Variants in PPDPFL observed in about 807,000 individuals in gnomAD.
The protein encoded by PPDPFL is pancreatic progenitor cell differentiation and proliferation factor like.
Under a neutral mutation model 12.6 loss-of-function variants are expected in PPDPFL, and 12 were observed. The ratio of observed to expected loss-of-function variants is 0.95; its 90% confidence interval spans 0.61 to 1.54. PPDPFL has a LOEUF of 1.54. Among genes scored for constraint, PPDPFL ranks in the 40% most tolerant of loss-of-function variants. PPDPFL has a pLI of 0.00. For missense variants in PPDPFL, 114 were observed against 96.0 expected, an observed-to-expected ratio of 1.19 and a Z score of -0.78; for synonymous variants, 24 against 32.7, an observed-to-expected ratio of 0.73 and a Z score of 0.91.
chr8:49,069,183 C>T (rs1808343292), upstream of PPDPFL, among the ~76,000 whole-genome samples: 1 of 152,006 alleles, frequency 6.6e-6, no homozygotes, highest in Admixed American at 6.6e-5. Flanking sequence ...GTGCCCCATC[C>T]CAAAACTTCA....
In PPDPFL at chr8:49,056,043, T is replaced by A. The variant is rs552125236; in HGVS notation, c.-45+1674T>A. On this transcript the variant is annotated intron_variant, in intron 1 of 4. Coordinates refer to the PPDPFL transcript ENST00000517663. ...TTATTCCACAGAACAGCTAGAAACA[T>A]CTTTTAACCATGAAAACCAGATTGT... is the stretch of plus-strand genomic sequence containing the variant. Among the ~76,000 whole-genome samples the A allele has an allele frequency of 6.6e-5, 10 of 152,268 alleles. No individual in the cohort carries two copies. In the South Asian group the frequency reaches 2.1e-3, roughly 32 times the overall value.
At position 49,064,528 on chromosome 8, in the gene PPDPFL, A is replaced by T. The variant is rs537186755; in HGVS notation, c.-44-8259A>T. ...TGGATTCAAGCAATGCAAAGGCAGG[A>T]TGTGGGGCCTGGCAGTGCCGCCCAG... On this transcript the variant is annotated intron_variant, in intron 1 of 4. Coordinates refer to the PPDPFL transcript ENST00000517663. 1.8e-4 allele frequency among the ~76,000 whole-genome samples: 27 copies of T among 152,274 alleles called. No individual in the cohort carries two copies. The South Asian group carries it at 5.2e-3, about 29-fold the overall frequency.
upstream of PPDPFL, among the ~76,000 whole-genome samples, chr8:49,070,162 T>A (rs1808355727): frequency 6.6e-6 from 1 of 152,106 alleles, no homozygotes; most frequent in South Asian, 2.1e-4. Context: ...AAATACCACA[T>A]GTTCTCACGT....
At chr8:49,073,937 A>G (rs1808439983) in intron 2 of PPDPFL, 122 bp from the exon 3 acceptor site, 1 of 668,216 alleles carries the variant, frequency 1.5e-6, no homozygotes, top group African/African-American at 1.8e-5. Context: ...CAATTCATGA[A>G]TTCACAAGCC....
At chr8:49,054,395 A>AT (rs896531947) in intron 1 of PPDPFL, 6 of 152,070 alleles carry the variant, frequency 3.9e-5, no homozygotes, top group Admixed American at 1.3e-4. Context: ...CTTCCTTATG[A>AT]TTTTTTAATA....
chr8:49,071,467 C>A, upstream of PPDPFL, among the ~76,000 whole-genome samples: 1 of 152,232 alleles, frequency 6.6e-6, no homozygotes, highest in East Asian at 1.9e-4. Flanking sequence ...ACCATCCTGG[C>A]TAACACGGTG....
At chr8:49,066,583 G>A (rs1197144565) in intron 1 of PPDPFL, among the ~76,000 whole-genome samples, 1 of 152,118 alleles carries the variant, frequency 6.6e-6, no homozygotes, top group Non-Finnish European at 1.5e-5. Context: ...CAGTAAGAGA[G>A]GGCACTCTGA....
upstream of PPDPFL, among the ~76,000 whole-genome samples, chr8:49,071,571 G>A (rs1808390265): frequency 6.6e-6 from 1 of 152,052 alleles, no homozygotes. Flanking sequence ...CAGGAGAATG[G>A]CGTGAACCTG....
At chr8:49,074,400 T>A (rs1808452695) in intron 4 of PPDPFL, 67 bp downstream of exon 4, 11 of 1,577,974 alleles carry the variant, frequency 7.0e-6, no homozygotes, top group Non-Finnish European at 7.8e-6. Flanking sequence ...ATATGGTATG[T>A]GTTATGCTAC....
chr8:49,071,591 G>A (rs572336536), upstream of PPDPFL, among the ~76,000 whole-genome samples: 483 of 152,112 alleles, frequency 3.2e-3, 2 homozygotes, highest in African/African-American at 0.011. Context: ...GGGAGGCGGA[G>A]CTTGCAGTGA....
intron 3 of PPDPFL, 26 bp from the exon 4 acceptor site, chr8:49,074,208 G>A (rs1808448037): frequency 4.4e-6 from 7 of 1,607,772 alleles, no homozygotes; most frequent in Non-Finnish European, 6.0e-6. Context: ...TGTTTGATAA[G>A]GAGTAACATG....
intron 4 of PPDPFL, 176 bp from the exon 5 acceptor site, chr8:49,074,976 A>G: frequency 7.3e-7 from 1 of 1,371,164 alleles, no homozygotes; most frequent in East Asian, 2.5e-5. Flanking sequence ...AGACAAATTT[A>G]GAATCATTAT....
intron 1 of PPDPFL, among the ~76,000 whole-genome samples, chr8:49,054,543 T>C (rs1808083456): frequency 6.6e-6 from 1 of 152,120 alleles, no homozygotes; most frequent in Non-Finnish European, 1.5e-5. Flanking sequence ...GTAGTTAAAT[T>C]TTGGGGGAGT....
At chr8:49,074,209 G>A (rs1808448090) in intron 3 of PPDPFL, 25 bp from the exon 4 acceptor site, 1 of 1,607,738 alleles carries the variant, frequency 6.2e-7, no homozygotes, top group South Asian at 1.1e-5. Context: ...GTTTGATAAG[G>A]AGTAACATGA....
rs1808206181 is a variant in PPDPFL, at chr8:49,061,645, G to T, written c.-45+7276G>T. Among the ~76,000 whole-genome samples, 3 of 152,298 alleles carry T rather than the reference G, an allele frequency of 2.0e-5. No homozygotes were observed. In the South Asian group the frequency reaches 6.2e-4, roughly 32 times the overall value. On this transcript the variant is annotated intron_variant, in intron 1 of 4. Transcript: ENST00000517663. ...GATGAGCTGACTGGTGCTGGGTGTT[G>T]CCAATTCATTGGAGAAAATCTGCCA...
intron 1 of PPDPFL, among the ~76,000 whole-genome samples, chr8:49,055,101 A>G (rs1808092267): frequency 6.6e-6 from 1 of 152,180 alleles, no homozygotes; most frequent in Non-Finnish European, 1.5e-5. Flanking sequence ...TTCTACTTAG[A>G]GAATGGCACT....
At chr8:49,060,477 C>A (rs1808181768) in intron 1 of PPDPFL, among the ~76,000 whole-genome samples, 1 of 152,022 alleles carries the variant, frequency 6.6e-6, no homozygotes, top group African/African-American at 2.4e-5. Context: ...CCACACCTGG[C>A]TAATTTTGTA....
chr8:49,058,347 G>T (rs2129243501), intron 1 of PPDPFL, among the ~76,000 whole-genome samples: 1 of 152,172 alleles, frequency 6.6e-6, no homozygotes, highest in East Asian at 1.9e-4. Flanking sequence ...CCATTTCTGT[G>T]TTTAGGCATT....
intron 1 of PPDPFL, among the ~76,000 whole-genome samples, chr8:49,054,663 G>A (rs915152603): frequency 6.6e-6 from 1 of 151,768 alleles, no homozygotes; most frequent in Non-Finnish European, 1.5e-5. Context: ...GTGTTTGTCC[G>A]TGTGTGTGTG....
Sources: allele counts gnomAD v4.1 joint callset (sites outside exome capture counted in the v4.1 genomes callset), GRCh38; gene constraint gnomAD v4.1.1; transcripts MANE v1.5; gene names NCBI Gene and HGNC (gene_info 2026-07-23, HGNC 2026-07-21).